CDH18: variants seen among roughly 807,000 people sequenced by gnomAD.
CDH18 encodes the protein cadherin 18.
A neutral mutation model predicts 67.9 loss-of-function variants in CDH18; 31 were observed. That is an observed-to-expected ratio of 0.46 (90% confidence interval 0.34 to 0.62). The LOEUF is 0.62. Ranked by LOEUF, CDH18 falls within the 20% of genes least tolerant of loss-of-function variation. The probability of loss-of-function intolerance (pLI) is 0.01; values close to 1 mark genes in which losing one functional copy is unlikely to be tolerated. For synonymous variants in CDH18, 362 were observed against 347.2 expected (o/e 1.04, Z -0.48); for missense variants, 890 against 975.5 (o/e 0.91, Z 1.17).
chr5:20,146,019 C>T (rs547313170), intron 2 of CDH18, among the ~76,000 whole-genome samples: 102 of 152,278 alleles, frequency 6.7e-4, no homozygotes, highest in African/African-American at 2.4e-3. Flanking sequence ...GTACTCCAAG[C>T]ACACTAACCT....
intron 1 of CDH18, among the ~76,000 whole-genome samples, chr5:20,322,078 C>T (rs996285028): frequency 1.3e-5 from 2 of 152,146 alleles, no homozygotes; most frequent in African/African-American, 2.4e-5. Flanking sequence ...GGAAAAGTCT[C>T]ATGGCACAAC....
chr5:19,708,982 C>T lies in CDH18; in HGVS notation c.643+12365G>A, dbSNP rs190721858. On this transcript the variant is annotated intron_variant, in intron 5 of 12. Coordinates refer to ENST00000382275, the MANE Select transcript of CDH18 (RefSeq NM_004934.5). Reference sequence around the variant, plus strand: ...AAGATGGTGCCACTGCACTCCAGCCCGGGCAACAGAACTAGACTCTGTTAA... The same window carrying T: ...AAGATGGTGCCACTGCACTCCAGCCTGGGCAACAGAACTAGACTCTGTTAA... 7.9e-3 allele frequency among the ~76,000 whole-genome samples: 1,100 copies of T among 139,732 alleles called. 6 individuals are homozygous for T. Among genetic ancestry groups the T allele is most frequent in the Non-Finnish European group, 0.011 (732 of 63,788 alleles). 91.7% of individuals were successfully genotyped at this position (139,732 alleles called of 152,430 possible). A position where few individuals can be genotyped will look rare whatever the true frequency, so the allele number is the denominator to read the frequency against.
chr5:19,529,994 A>T (rs1013515046), intron 9 of CDH18, among the ~76,000 whole-genome samples: 2 of 152,172 alleles, frequency 1.3e-5, no homozygotes, highest in African/African-American at 4.8e-5. Flanking sequence ...AACAATTTCA[A>T]AAAGGAGGAA....
intron 1 of CDH18, among the ~76,000 whole-genome samples, chr5:20,270,915 T>A (rs1375930727): frequency 6.6e-6 from 1 of 151,936 alleles, no homozygotes; most frequent in African/African-American, 2.4e-5. Flanking sequence ...TTCTCACTTA[T>A]AAGTAGGAGC....
intron 9 of CDH18, among the ~76,000 whole-genome samples, chr5:19,527,466 A>T (rs1428818668): frequency 6.6e-6 from 1 of 151,638 alleles, no homozygotes; most frequent in East Asian, 1.9e-4. Context: ...TCAGTAAAAA[A>T]AATCAAATAT....
At chr5:19,896,185 C>T (rs1579475794) in intron 2 of CDH18, among the ~76,000 whole-genome samples, 1 of 151,926 alleles carries the variant, frequency 6.6e-6, no homozygotes, top group Non-Finnish European at 1.5e-5. Context: ...GGTGAAACCC[C>T]TTCTCTACTA....
intron 1 of CDH18, among the ~76,000 whole-genome samples, chr5:20,284,982 T>C (rs146519762): frequency 1.3e-5 from 2 of 151,940 alleles, no homozygotes; most frequent in Non-Finnish European, 2.9e-5. Flanking sequence ...AGAATTGATA[T>C]ATTTTATTTT....
intron 1 of CDH18, among the ~76,000 whole-genome samples, chr5:20,349,429 C>T (rs576680285): frequency 1.3e-5 from 2 of 152,186 alleles, no homozygotes; most frequent in Middle Eastern, 3.4e-3. Context: ...TCAGAATACG[C>T]TGGTTTATTT....
intron 1 of CDH18, among the ~76,000 whole-genome samples, chr5:20,531,123 C>A (rs1426141581): frequency 6.6e-6 from 1 of 151,998 alleles, no homozygotes; most frequent in Non-Finnish European, 1.5e-5. Context: ...ATATGGCCAA[C>A]AAACATATGA....
chr5:19,889,737 T>C (rs1788587064), intron 2 of CDH18, among the ~76,000 whole-genome samples: 1 of 152,154 alleles, frequency 6.6e-6, no homozygotes, highest in Admixed American at 6.6e-5. Flanking sequence ...TTTATATTAA[T>C]TTTTAAAAGG....
rs553723574 is a variant in CDH18, at chr5:20,423,946, C to CAAAAAAAAAAA, written c.-580+151505_-580+151515dup. ...TGGGCGACTGAGCGAGACTCCGTCT[C>CAAAAAAAAAAA]AAAAAAAAAAAAAAAAAAAAAAAAA... On this transcript the variant is annotated intron_variant, in intron 1 of 14. Coordinates refer to the CDH18 transcript ENST00000507958. Among the ~76,000 whole-genome samples, 106 of 63,810 alleles carry CAAAAAAAAAAA rather than the reference C, an allele frequency of 1.7e-3. 4 individuals carry two copies. The highest frequency in any genetic ancestry group is 9.2e-3 in the African/African-American group (103 of 11,182). 41.9% of individuals were successfully genotyped at this position (63,810 alleles called of 152,430 possible).
intron 1 of CDH18, among the ~76,000 whole-genome samples, chr5:19,986,587 G>C (rs1468079084): frequency 6.6e-6 from 1 of 152,174 alleles, no homozygotes; most frequent in Admixed American, 6.5e-5. Flanking sequence ...CTAAGTGAAT[G>C]TCTTCTAGGG....
intron 1 of CDH18, among the ~76,000 whole-genome samples, chr5:20,503,991 TC>T (rs1195366820): frequency 2.0e-5 from 3 of 149,902 alleles, no homozygotes; most frequent in African/African-American, 7.4e-5. Flanking sequence ...TGAGCCCAGA[TC>T]ACGCCACTGC....
rs1268517400 is a variant in CDH18 at position 19,975,387 on chromosome 5, G to A, written c.-257+5673C>T. On this transcript the variant is annotated intron_variant, in intron 2 of 12. Coordinates refer to ENST00000382275, the MANE Select transcript of CDH18 (RefSeq NM_004934.5). ...AAATTCAATATGTTGGGAAAAAATTGAGTAGTGCTAGATGAAAAATAAGTA... is the reference window on the plus strand; with the variant it reads ...AAATTCAATATGTTGGGAAAAAATTAAGTAGTGCTAGATGAAAAATAAGTA... Among the ~76,000 whole-genome samples the A allele has an allele frequency of 2.0e-5, 3 of 152,150 alleles. No homozygotes were observed. In the East Asian group the frequency reaches 5.8e-4, roughly 29 times the overall value.
intron 2 of CDH18, among the ~76,000 whole-genome samples, chr5:19,860,976 T>C (rs1274676474): frequency 1.3e-5 from 2 of 152,164 alleles, no homozygotes; most frequent in Admixed American, 6.6e-5. Flanking sequence ...CATCTGAATG[T>C]AGGACTAAGA....
chr5:20,574,438 G>A (rs1561145298), intron 1 of CDH18, among the ~76,000 whole-genome samples: 1 of 151,604 alleles, frequency 6.6e-6, no homozygotes, highest in Non-Finnish European at 1.5e-5. Flanking sequence ...TCACTCAAAA[G>A]GACAGTCAGA....
intron 2 of CDH18, chr5:19,878,194 T>C (rs2150046974): frequency 6.6e-6 from 1 of 152,218 alleles, no homozygotes; most frequent in Admixed American, 6.6e-5. Flanking sequence ...TTAATTGTTT[T>C]AATTGTCTAT....
intron 2 of CDH18, among the ~76,000 whole-genome samples, chr5:20,098,735 C>A (rs1746200285): frequency 6.6e-6 from 1 of 151,882 alleles, no homozygotes; most frequent in Non-Finnish European, 1.5e-5. Context: ...TTTAACTTTT[C>A]TTTTTCATTT....
chr5:20,473,570 T>C (rs943342868), intron 1 of CDH18, among the ~76,000 whole-genome samples: 1 of 152,090 alleles, frequency 6.6e-6, no homozygotes, highest in Non-Finnish European at 1.5e-5. Flanking sequence ...CTTAAAATAT[T>C]GTTCTTTTCA....
Sources: gnomAD v4.1 joint callset for allele counts (sites outside exome capture counted in the v4.1 genomes callset) on GRCh38, gnomAD v4.1.1 for gene constraint, MANE v1.5 for transcripts, NCBI Gene and HGNC (gene_info 2026-07-23, HGNC 2026-07-21) for gene names.